Variants in IDE observed in about 807,000 individuals in gnomAD.
The protein encoded by IDE is insulin-degrading enzyme.
In IDE, 58 loss-of-function variants were observed where a neutral mutation model predicts 133.2. The observed-to-expected ratio is 0.44, with a 90% confidence interval of 0.35 to 0.54. The LOEUF (loss-of-function observed/expected upper bound fraction) is 0.54, where lower values mean the gene tolerates loss of function less well. IDE is among the 20% of genes least tolerant of loss of function. The probability of loss-of-function intolerance (pLI) is 0.00; values close to 1 mark genes in which losing one functional copy is unlikely to be tolerated. For synonymous variants in IDE, 396 were observed against 421.3 expected (o/e 0.94, Z 0.73); for missense variants, 981 against 1,234.0 (o/e 0.79, Z 3.07).
chr10:92,529,062 G>A (rs1589483580), intron 4 of IDE, among the ~76,000 whole-genome samples: 1 of 152,094 alleles, frequency 6.6e-6, no homozygotes, highest in East Asian at 1.9e-4. Flanking sequence ...GGACGACAGA[G>A]CAAGACTGTC....
intron 1 of IDE, among the ~76,000 whole-genome samples, chr10:92,567,834 A>G (rs776763499): frequency 2.6e-5 from 4 of 152,158 alleles, no homozygotes; most frequent in Non-Finnish European, 5.9e-5. Flanking sequence ...TTAGCCAGGC[A>G]TGGTGGCACA....
intron 11 of IDE, among the ~76,000 whole-genome samples, chr10:92,501,308 G>A (rs1220007757): frequency 5.3e-5 from 7 of 132,702 alleles, no homozygotes; most frequent in Non-Finnish European, 9.2e-5. Flanking sequence ...GTTGCAGTGA[G>A]CCAAGATGAC....
intron 12 of IDE, 24 bp from the exon 13 acceptor site, chr10:92,487,342 A>T: frequency 6.2e-7 from 1 of 1,602,084 alleles, no homozygotes; most frequent in Non-Finnish European, 8.5e-7. Flanking sequence ...GAAACACACA[A>T]ATGCAGTAAG....
chr10:92,566,104 C>T (rs1031714670), intron 1 of IDE, among the ~76,000 whole-genome samples: 5 of 151,720 alleles, frequency 3.3e-5, no homozygotes, highest in African/African-American at 1.2e-4. Context: ...GCCTATAATC[C>T]CAGTACTTTG....
At chr10:92,484,769 T>A (rs1285788589) in intron 13 of IDE, among the ~76,000 whole-genome samples, 1 of 151,172 alleles carries the variant, frequency 6.6e-6, no homozygotes, top group Non-Finnish European at 1.5e-5. Context: ...AGAAACTGTG[T>A]GTGAGAAACC....
rs1007992097 is a variant in IDE at position 92,506,067 on chromosome 10, T to C, written c.1326+375A>G. On this transcript the variant is annotated intron_variant, in intron 10 of 24. Coordinates refer to ENST00000265986, the MANE Select transcript of IDE (RefSeq NM_004969.4). ...CCAAGAGGAAAATAGGGATCGCAGG[T>C]AAAAGACTATCATGGTAGCCCAAGC... 6.6e-5 allele frequency among the ~76,000 whole-genome samples: 10 copies of C among 152,220 alleles called. No homozygotes were observed. In the East Asian group the frequency reaches 1.7e-3, roughly 26 times the overall value.
rs992488684 is a variant in IDE, at chr10:92,559,731, T to C, written c.98+14191A>G. ...CTGCAAATACACTAAAACCCATGAA[T>C]GGTATATTTTTTTTTTTTTTTTTTT... On this transcript the variant is annotated intron_variant, in intron 1 of 24. Coordinates refer to ENST00000265986, the MANE Select transcript of IDE (RefSeq NM_004969.4). Among the ~76,000 whole-genome samples, 35 of 142,680 alleles carry C rather than the reference T, an allele frequency of 2.5e-4. No individual in the cohort carries two copies. The East Asian group carries it at 4.8e-3, about 20-fold the overall frequency. The allele number at this position is 142,680 out of a possible 152,430, so 93.6% of individuals were successfully genotyped here. A position where few individuals can be genotyped will look rare whatever the true frequency, so the allele number is the denominator to read the frequency against.
At chr10:92,473,171 C>G (rs987863156) in intron 17 of IDE, among the ~76,000 whole-genome samples, 1 of 151,952 alleles carries the variant, frequency 6.6e-6, no homozygotes, top group South Asian at 2.1e-4. Flanking sequence ...ACCTCGTGAT[C>G]CGCCTGCCTC....
chr10:92,537,469 G>C lies in IDE; in HGVS notation c.180C>G (p.Asp60Glu), dbSNP rs1842073001. Residue 60 changes from aspartate (D) to glutamate (E), a missense_variant, in exon 2 of 25, where the codon GAC becomes GAG. Physicochemically the swap from Asp to Glu is conservative, Grantham distance 45. Around this residue, in one of 2 missense-constraint regions of IDE, gnomAD observed 321 missense variants for 339.3 expected, o/e 0.95. Transcript: ENST00000265986. ...IGNHITKSPE[D>E]KREYRGLELA... ...GCTCTAGCCCTCGATATTCTCGCTTGTCTTCAGGAGACTTGGTAATGTGAT... is the reference window on the plus strand; with the variant it reads ...GCTCTAGCCCTCGATATTCTCGCTTCTCTTCAGGAGACTTGGTAATGTGAT... The C allele has an allele frequency of 2.5e-6, 4 of 1,613,592 alleles. No individual in the cohort carries two copies. Among genetic ancestry groups the C allele is most frequent in the Non-Finnish European group, 3.4e-6 (4 of 1,179,668 alleles).
intron 4 of IDE, among the ~76,000 whole-genome samples, chr10:92,518,626 T>C (rs1026851841): frequency 1.3e-5 from 2 of 152,146 alleles, no homozygotes; most frequent in Admixed American, 1.3e-4. Flanking sequence ...TGTACAACAA[T>C]TCCATAGTAA....
At chr10:92,501,618 C>A (rs1235827513) in intron 11 of IDE, among the ~76,000 whole-genome samples, 1 of 150,038 alleles carries the variant, frequency 6.7e-6, no homozygotes, top group Non-Finnish European at 1.5e-5. Flanking sequence ...TGCAGTGAGC[C>A]GAGATTGCGC....
chr10:92,508,022 A>G, intron 8 of IDE, 91 bp downstream of exon 8: 1 of 896,384 alleles, frequency 1.1e-6, no homozygotes, highest in Non-Finnish European at 1.8e-6. Flanking sequence ...TGTAGCTTTC[A>G]ACATAAAACA....
intron 1 of IDE, chr10:92,554,984 T>C (rs1286445943): frequency 6.6e-6 from 1 of 151,916 alleles, no homozygotes; most frequent in African/African-American, 2.4e-5. Flanking sequence ...CCTTTCACGG[T>C]AAAAACTCTC....
intron 19 of IDE, 42 bp from the exon 20 acceptor site, chr10:92,465,885 T>C (rs1564595851): frequency 6.3e-7 from 1 of 1,582,692 alleles, no homozygotes; most frequent in African/African-American, 1.3e-5. Context: ...CAAAAACTTA[T>C]TTGGGGTTTA....
At chr10:92,564,074 TTC>T (rs1387755183) in intron 1 of IDE, among the ~76,000 whole-genome samples, 1 of 151,842 alleles carries the variant, frequency 6.6e-6, no homozygotes, top group Admixed American at 6.6e-5. Context: ...ATCTATACTT[TTC>T]TGTTTGGAAA....
intron 12 of IDE, among the ~76,000 whole-genome samples, chr10:92,488,733 C>T (rs1052186722): frequency 1.5e-4 from 22 of 150,338 alleles, no homozygotes; most frequent in Non-Finnish European, 2.7e-4. Flanking sequence ...GCCAAGATGG[C>T]GCCATTGCAC....
chr10:92,530,486 T>C (rs192459775), intron 4 of IDE, among the ~76,000 whole-genome samples: 46 of 151,044 alleles, frequency 3.0e-4, no homozygotes, highest in African/African-American at 1.0e-3. Flanking sequence ...AGTGTCTCAC[T>C]ATGTTGCCCA....
chr10:92,570,351 G>A (rs541503235), intron 1 of IDE, among the ~76,000 whole-genome samples: 1 of 152,146 alleles, frequency 6.6e-6, no homozygotes, highest in African/African-American at 2.4e-5. Flanking sequence ...CAAGATTTAT[G>A]GTTATCTTTG....
chr10:92,551,876 T>C (rs1842800348), intron 1 of IDE, among the ~76,000 whole-genome samples: 1 of 152,160 alleles, frequency 6.6e-6, no homozygotes, highest in African/African-American at 2.4e-5. Context: ...TGGCTCATGC[T>C]TGTTACCCCA....
Sources: allele counts gnomAD v4.1 joint callset (sites outside exome capture counted in the v4.1 genomes callset), GRCh38; gene constraint gnomAD v4.1.1; regional missense constraint gnomAD v4.1.1; transcripts MANE v1.5; gene names NCBI Gene and HGNC (gene_info 2026-07-23, HGNC 2026-07-21).